The following STS variants were observed in gnomAD, a reference collection of about 807,000 sequenced individuals.
The protein encoded by STS is steryl-sulfatase.
STS carries 7 observed loss-of-function variants against 26.8 expected under a neutral mutation model. That is an observed-to-expected ratio of 0.26 (90% CI 0.15 to 0.49). The LOEUF (loss-of-function observed/expected upper bound fraction) is 0.49, where lower values mean the gene tolerates loss of function less well. Ranked by LOEUF, STS falls within the 20% of genes least tolerant of loss-of-function variation. The probability of loss-of-function intolerance (pLI) is 0.98; values close to 1 mark genes in which losing one functional copy is unlikely to be tolerated. For missense variants in STS, 434 were observed against 465.6 expected, an observed-to-expected ratio of 0.93 and a Z score of 0.63; for synonymous variants, 199 against 189.4, an observed-to-expected ratio of 1.05 and a Z score of -0.42.
At chrX:7,190,167 T>C (rs1194450136) in intron 1 of STS, among the ~76,000 whole-genome samples, 6 of 110,149 alleles carry the variant, frequency 5.4e-5, no homozygotes, top group African/African-American at 1.7e-4. Context: ...TGTGGAATCA[T>C]TGGGAGCCCT....
At chrX:7,307,365 G>T (rs1486998474) in intron 8 of STS, among the ~76,000 whole-genome samples, 1 of 111,009 alleles carries the variant, frequency 9.0e-6, no homozygotes, top group Non-Finnish European at 1.9e-5. Flanking sequence ...GCTGAACTGG[G>T]GTCCACTCAC....
chrX:7,170,820 C>T (rs906375293), intron 1 of STS, among the ~76,000 whole-genome samples: 58 of 110,865 alleles, frequency 5.2e-4, no homozygotes, highest in African/African-American at 1.8e-3. Context: ...CCTAGAGTCG[C>T]TGGGAATGTA....
intron 7 of STS, among the ~76,000 whole-genome samples, chrX:7,279,292 A>AATATATAT (rs1187465371): frequency 3.2e-5 from 2 of 62,781 alleles, no homozygotes; most frequent in African/African-American, 1.2e-4. Context: ...AAAAAAAAAA[A>AATATATAT]ATATATATAT....
At chrX:7,235,181 G>A (rs1005833075) in intron 2 of STS, among the ~76,000 whole-genome samples, 1 of 112,304 alleles carries the variant, frequency 8.9e-6, no homozygotes, top group Non-Finnish European at 1.9e-5. Context: ...CTGAGCAAGA[G>A]AGAAATGGCT....
intron 1 of STS, among the ~76,000 whole-genome samples, chrX:7,148,413 A>G (rs1269664160): frequency 2.7e-5 from 3 of 112,508 alleles, no homozygotes; most frequent in Non-Finnish European, 5.6e-5. Context: ...GGGCCAAGCT[A>G]CTCAGCCAGC....
chrX:7,266,031 T>G (rs894655645), intron 6 of STS, among the ~76,000 whole-genome samples: 1 of 111,915 alleles, frequency 8.9e-6, no homozygotes, highest in Admixed American at 9.5e-5. Context: ...CTTACCACCT[T>G]TGTGAGAAAT....
intron 2 of STS, chrX:7,252,252 T>A (rs1923172743): frequency 1.3e-6 from 1 of 748,395 alleles, no homozygotes; most frequent in African/African-American, 2.3e-5. Context: ...TATTTGAGAG[T>A]AAGAACCTGG....
intron 9 of STS, among the ~76,000 whole-genome samples, chrX:7,326,139 G>C (rs776423086): frequency 1.8e-5 from 2 of 110,789 alleles, no homozygotes; most frequent in South Asian, 7.8e-4. Context: ...GCAGGAGAAA[G>C]TCAGAGGAAA....
chrX:7,246,363 G>A (rs1021824560), intron 2 of STS, among the ~76,000 whole-genome samples: 9 of 109,069 alleles, frequency 8.3e-5, no homozygotes, highest in Non-Finnish European at 1.3e-4. Context: ...GTGCAGTGGC[G>A]CGATCTCGGC....
chrX:7,273,870 G>C (rs1188622707), intron 6 of STS, among the ~76,000 whole-genome samples: 1 of 111,420 alleles, frequency 9.0e-6, no homozygotes, highest in African/African-American at 3.3e-5. Flanking sequence ...TACAGGTCAG[G>C]CATGGCACTA....
intron 10 of STS, among the ~76,000 whole-genome samples, chrX:7,344,843 C>T (rs1252133800): frequency 1.8e-5 from 2 of 111,091 alleles, no homozygotes; most frequent in African/African-American, 6.5e-5. Context: ...TTACTTGTGC[C>T]GAACAGGCTT....
intron 2 of STS, among the ~76,000 whole-genome samples, chrX:7,211,838 G>T (rs1259067092): frequency 1.8e-5 from 2 of 111,425 alleles, no homozygotes; most frequent in African/African-American, 6.5e-5. Flanking sequence ...TAATCTCAGG[G>T]CCAGAGTCAT....
At position 7,334,070 on chromosome X, in the gene STS, C is replaced by T. The variant is rs765525737; in HGVS notation, c.1326C>T (p.Asn442=). The stretch of plus-strand genomic sequence containing the variant: ...ATGAGTTTCTCTTCCATTACTGCAA[C>T]GCCTACTTAAATGCTGTGCGCTGGC... The part of the protein sequence containing the change: ...SDHEFLFHYC[N]AYLNAVRWHP... Residue 442 remains asparagine (N), a synonymous_variant, in exon 10 of 11, where the codon AAC becomes AAT. Transcript: ENST00000674429. 1.2e-5 allele frequency: 14 copies of T among 1,211,383 alleles called. No homozygotes were observed. The highest frequency in any genetic ancestry group is 2.3e-4 in the Middle Eastern group (1 of 4,353).
chrX:7,293,487 C>T (rs866590394), intron 7 of STS, among the ~76,000 whole-genome samples: 1 of 111,647 alleles, frequency 9.0e-6, no homozygotes, highest in Non-Finnish European at 1.9e-5. Context: ...TTTGATATTC[C>T]CCATATGTGC....
chrX:7,346,678 T>G (rs1928542730), intron 10 of STS, among the ~76,000 whole-genome samples: 1 of 112,227 alleles, frequency 8.9e-6, no homozygotes, highest in Non-Finnish European at 1.9e-5. Context: ...TAAACATTTT[T>G]TAAAAATTTA....
At chrX:7,300,054 T>C (rs1925891682) in intron 7 of STS, among the ~76,000 whole-genome samples, 1 of 111,737 alleles carries the variant, frequency 8.9e-6, no homozygotes, top group Non-Finnish European at 1.9e-5. Context: ...CAGAACTTTC[T>C]AGAATTTAGG....
chrX:7,187,535 G>A (rs1180085833), intron 1 of STS, among the ~76,000 whole-genome samples: 3 of 111,760 alleles, frequency 2.7e-5, no homozygotes, highest in Admixed American at 9.5e-5. Flanking sequence ...ATAACTACAC[G>A]GCCTGGGCTA....
At chrX:7,266,686 G>A (rs1924024039) in intron 6 of STS, among the ~76,000 whole-genome samples, 2 of 112,182 alleles carry the variant, frequency 1.8e-5, no homozygotes, top group Admixed American at 9.5e-5. Context: ...ATAAAGGAGT[G>A]AATTATAAAT....
Position 7,211,898 on chromosome X carries a change from G to A in STS, c.-5+20890G>A, listed in dbSNP as rs139212970. On this transcript the variant is annotated intron_variant, in intron 2 of 10. Transcript: ENST00000674429. ...AGGACATCTCTTCATAGAGATCAGA[G>A]CTACATATAAAAGCCAAACTGGGAC... Among the ~76,000 whole-genome samples the A allele has an allele frequency of 9.3e-3, 1,020 of 109,920 alleles. 8 individuals are homozygous for A. Among genetic ancestry groups the A allele is most frequent in the Middle Eastern group, 0.033 (7 of 214 alleles).
Sources: allele counts gnomAD v4.1 joint callset (sites outside exome capture counted in the v4.1 genomes callset), GRCh38; gene constraint gnomAD v4.1.1; transcripts MANE v1.5; gene names NCBI Gene and HGNC (gene_info 2026-07-23, HGNC 2026-07-21).